Variants in PRKN observed in about 807,000 individuals in gnomAD.
The protein encoded by PRKN is parkin RBR E3 ubiquitin protein ligase, also known as E3 ubiquitin-protein ligase parkin.
In PRKN, 56 loss-of-function variants were observed where a neutral mutation model predicts 59.5. The observed-to-expected ratio is 0.94, with a 90% CI of 0.76 to 1.18. The LOEUF (loss-of-function observed/expected upper bound fraction) is 1.18, where lower values mean the gene tolerates loss of function less well. Among genes scored for constraint, PRKN ranks in the 50% most tolerant of loss-of-function variants. PRKN has a pLI of 0.00. For synonymous variants in PRKN, 250 were observed against 222.1 expected, an observed-to-expected ratio of 1.13 and a Z score of -1.12; for missense variants, 657 against 596.4, an observed-to-expected ratio of 1.10 and a Z score of -1.06.
At chr6:162,159,101 C>G (rs1180676800) in intron 4 of PRKN, among the ~76,000 whole-genome samples, 3 of 152,034 alleles carry the variant, frequency 2.0e-5, no homozygotes, top group African/African-American at 7.3e-5. Context: ...GGACCAGGCT[C>G]TGTGTCAAAA....
chr6:161,902,552 A>ATCTAT (rs1343265664), intron 6 of PRKN, among the ~76,000 whole-genome samples: 1,579 of 120,768 alleles, frequency 0.013, 35 homozygotes, highest in East Asian at 0.023. Context: ...CTATCTATTT[A>ATCTAT]TTTATTTATT....
intron 2 of PRKN, among the ~76,000 whole-genome samples, chr6:162,339,366 C>G (rs568231508): frequency 1.4e-5 from 2 of 145,254 alleles, no homozygotes; most frequent in East Asian, 4.3e-4. Flanking sequence ...GCCCGGCCAG[C>G]CGCCCCGTCC....
At chr6:161,595,761 A>T (rs1781891816) in intron 7 of PRKN, among the ~76,000 whole-genome samples, 1 of 152,160 alleles carries the variant, frequency 6.6e-6, no homozygotes. Flanking sequence ...AGTGATCTTT[A>T]CTATGCCACA....
chr6:161,976,566 C>T (rs1781041868), intron 5 of PRKN, among the ~76,000 whole-genome samples: 1 of 152,154 alleles, frequency 6.6e-6, no homozygotes, highest in African/African-American at 2.4e-5. Context: ...ATTCCTTTTA[C>T]TCAATCTTTT....
At chr6:161,948,313 A>G (rs1779857832) in intron 6 of PRKN, among the ~76,000 whole-genome samples, 1 of 152,086 alleles carries the variant, frequency 6.6e-6, no homozygotes, top group Non-Finnish European at 1.5e-5. Context: ...AACAGCCCTC[A>G]CCAACTATTT....
At chr6:161,427,497 A>G (rs2115043165) in intron 9 of PRKN, among the ~76,000 whole-genome samples, 1 of 152,254 alleles carries the variant, frequency 6.6e-6, no homozygotes, top group East Asian at 1.9e-4. Context: ...AGGATTTTCT[A>G]TTTCCTTCCA....
chr6:162,124,875 A>C (rs573802032), intron 4 of PRKN, among the ~76,000 whole-genome samples: 10 of 152,172 alleles, frequency 6.6e-5, no homozygotes, highest in Non-Finnish European at 1.3e-4. Flanking sequence ...AGCCAGAACA[A>C]TTAATCAGGG....
chr6:161,531,419 C>T (rs992261048), intron 9 of PRKN, among the ~76,000 whole-genome samples: 1 of 152,082 alleles, frequency 6.6e-6, no homozygotes, highest in African/African-American at 2.4e-5. Context: ...AACGCCACCC[C>T]CTACCCTCGC....
chr6:162,007,002 A>T (rs1429069486), intron 5 of PRKN, among the ~76,000 whole-genome samples: 1 of 152,162 alleles, frequency 6.6e-6, no homozygotes, highest in African/African-American at 2.4e-5. Flanking sequence ...ATACAAGTAA[A>T]CAAATGAACC....
chr6:162,651,098 C>T (rs530351360), intron 1 of PRKN, among the ~76,000 whole-genome samples: 1 of 152,248 alleles, frequency 6.6e-6, no homozygotes, highest in East Asian at 1.9e-4. Context: ...GGTTAGTCAA[C>T]TGAGAGCAAC....
At chr6:162,271,761 A>G (rs1056076725) in intron 2 of PRKN, among the ~76,000 whole-genome samples, 1 of 152,168 alleles carries the variant, frequency 6.6e-6, no homozygotes, top group Admixed American at 6.5e-5. Context: ...ACTAAATGCC[A>G]ATTTATATTA....
chr6:161,875,002 T>TATTATATATAAAGTATATAATATAATAA (rs1794661134), intron 6 of PRKN, among the ~76,000 whole-genome samples: 2 of 83,608 alleles, frequency 2.4e-5, no homozygotes, highest in Admixed American at 1.7e-4. Flanking sequence ...ATATATAATA[T>TATTATATATAAAGTATATAATATAATAA]ATTATATATT....
intron 5 of PRKN, among the ~76,000 whole-genome samples, chr6:162,002,052 G>T (rs540263059): frequency 7.9e-5 from 12 of 151,798 alleles, no homozygotes; most frequent in Admixed American, 6.6e-4. Flanking sequence ...TCAATACATT[G>T]ATTTGCTCAT....
At chr6:161,695,881 G>A (rs9458341) in intron 7 of PRKN, among the ~76,000 whole-genome samples, 3,140 of 152,266 alleles carry the variant, frequency 0.021, 136 homozygotes, top group African/African-American at 0.071. Context: ...AGATCATAGC[G>A]TGATCAATTT....
chr6:161,531,458 A>G lies in PRKN; in HGVS notation c.1083+17396T>C, dbSNP rs114999571. On this transcript the variant is annotated intron_variant, in intron 9 of 11. Transcript: ENST00000366898. ...GCAACACAGCAACATTGCTGAGGAAACTGATGCACTCCCACATTTTAATGA... is the reference window on the plus strand; with the variant it reads ...GCAACACAGCAACATTGCTGAGGAAGCTGATGCACTCCCACATTTTAATGA... Among the ~76,000 whole-genome samples the G allele has an allele frequency of 1.5e-3, 236 of 152,300 alleles. 1 individual carries two copies. Among genetic ancestry groups the G allele is most frequent in the African/African-American group, 5.4e-3 (223 of 41,568 alleles).
chr6:162,461,559 AAAG>A (rs1033650337), intron 1 of PRKN, among the ~76,000 whole-genome samples: 2 of 149,704 alleles, frequency 1.3e-5, no homozygotes, highest in African/African-American at 4.9e-5. Context: ...GAAAACAAAA[AAAG>A]AAGAGACCAG....
At chr6:162,348,455 A>T in intron 2 of PRKN, among the ~76,000 whole-genome samples, 1 of 152,212 alleles carries the variant, frequency 6.6e-6, no homozygotes, top group East Asian at 1.9e-4. Context: ...CTGACGAGGA[A>T]TGCAATAAAT....
chr6:161,592,455 A>G lies in PRKN; in HGVS notation c.872-23039T>C, dbSNP rs532173359. Among the ~76,000 whole-genome samples the G allele has an allele frequency of 3.7e-4, 56 of 152,318 alleles. No homozygotes were observed. The highest frequency in any genetic ancestry group is 1.3e-3 in the African/African-American group (54 of 41,566). ...GAAAGAATATCAATATCATTTGATG[A>G]TATTAATGTTCTGATTATGCCTATA... On this transcript the variant is annotated intron_variant, in intron 7 of 11. Transcript: ENST00000366898. The surrounding 1 kb of genome is among the most constrained non-coding windows in gnomAD (Gnocchi z 4.8).
At chr6:162,674,286 C>T (rs1344684285) in intron 1 of PRKN, among the ~76,000 whole-genome samples, 1 of 152,028 alleles carries the variant, frequency 6.6e-6, no homozygotes, top group African/African-American at 2.4e-5. Flanking sequence ...ACAGAAATAC[C>T]AACATATAAC....
Sources: gnomAD v4.1 joint callset for allele counts (sites outside exome capture counted in the v4.1 genomes callset) on GRCh38, gnomAD v4.1.1 for gene constraint, Gnocchi (gnomAD v3.1) non-coding constraint, MANE v1.5 for transcripts, NCBI Gene and HGNC (gene_info 2026-07-23, HGNC 2026-07-21) for gene names.